Variants in SLC37A1 observed in about 807,000 individuals in gnomAD.
SLC37A1 encodes glucose-6-phosphate exchanger SLC37A1.
SLC37A1 carries 49 observed loss-of-function variants against 75.3 expected under a neutral mutation model. That is an observed-to-expected ratio of 0.65 (90% confidence interval 0.52 to 0.83). The LOEUF is 0.83. SLC37A1 is among the 40% of genes least tolerant of loss of function. The probability of loss-of-function intolerance (pLI) is 0.00; values close to 1 mark genes in which losing one functional copy is unlikely to be tolerated. For synonymous variants in SLC37A1, 268 were observed against 292.1 expected (o/e 0.92, Z 0.84); for missense variants, 566 against 695.0 (o/e 0.81, Z 2.09).
chr21:42,557,203 G>T (rs79267265), intron 10 of SLC37A1, among the ~76,000 whole-genome samples: 21,511 of 152,184 alleles, frequency 0.14, 2,190 homozygotes, highest in African/African-American at 0.28. Context: ...ACCCACTGCT[G>T]AGCCTGTTTC....
At chr21:42,522,982 C>A (rs2146737121) in intron 2 of SLC37A1, among the ~76,000 whole-genome samples, 1 of 152,368 alleles carries the variant, frequency 6.6e-6, no homozygotes, top group East Asian at 1.9e-4. Context: ...CCCAAGCAGC[C>A]CTGACCATTG....
At chr21:42,542,889 A>G (rs1427545188) in intron 7 of SLC37A1, among the ~76,000 whole-genome samples, 1 of 152,282 alleles carries the variant, frequency 6.6e-6, no homozygotes, top group Non-Finnish European at 1.5e-5. Context: ...GCGAGTCCAG[A>G]TTTATTTGTA....
intron 11 of SLC37A1, 72 bp downstream of exon 11, chr21:42,559,161 T>A (rs1336144601): frequency 6.5e-6 from 10 of 1,544,096 alleles, no homozygotes; most frequent in Non-Finnish European, 7.8e-6. Context: ...GGTCGGTTGA[T>A]GATTAAGCTT....
At chr21:42,534,625 C>A in intron 3 of SLC37A1, 73 bp from the exon 4 acceptor site, 1 of 1,530,654 alleles carries the variant, frequency 6.5e-7, no homozygotes, top group South Asian at 1.3e-5. Context: ...GTGACTGTTC[C>A]TCTCTGTGCC....
intron 17 of SLC37A1, among the ~76,000 whole-genome samples, chr21:42,572,695 T>TAAAAAAAAAAAA (rs1421400961): frequency 0.032 from 4,199 of 130,476 alleles, 260 homozygotes; most frequent in Non-Finnish European, 0.053. Context: ...AAAAAAAGAG[T>TAAAAAAAAAAAA]GTGTCCTGAG....
intron 17 of SLC37A1, among the ~76,000 whole-genome samples, chr21:42,569,241 C>T (rs991878686): frequency 1.3e-5 from 2 of 152,218 alleles, no homozygotes; most frequent in Admixed American, 1.3e-4. Context: ...GAACCTGGTG[C>T]TGGAGCCTTC....
At position 42,574,806 on chromosome 21, in the gene SLC37A1, G is replaced by A; in HGVS notation, c.1424-12G>A. On this transcript the variant is annotated splice_polypyrimidine_tract_variant and intron_variant, in intron 17 of 19. Transcript: ENST00000352133. ...TAAACAGCACCATGTGTGTCCATTT[G>A]CCTGATTTCAGGAGCAGCCCTGGGC... 1 of 1,613,814 alleles carries A rather than the reference G, an allele frequency of 6.2e-7. No individual in the cohort carries two copies. Among genetic ancestry groups the A allele is most frequent in the Non-Finnish European group, 8.5e-7 (1 of 1,179,900 alleles).
chr21:42,571,599 G>A (rs2147045276), intron 17 of SLC37A1, among the ~76,000 whole-genome samples: 1 of 152,116 alleles, frequency 6.6e-6, no homozygotes, highest in East Asian at 1.9e-4. Flanking sequence ...GTATTTCCAT[G>A]TTTCTTGGTT....
chr21:42,530,654 A>ACACACCCCCCCC (rs1161313598), intron 3 of SLC37A1, among the ~76,000 whole-genome samples: 8 of 35,896 alleles, frequency 2.2e-4, no homozygotes, highest in South Asian at 7.7e-4. Context: ...ACACACACAC[A>ACACACCCCCCCC]CCCCCTCTGT....
chr21:42,568,565 T>C lies in SLC37A1; in HGVS notation c.1423+127T>C, dbSNP rs921596739. 3.7e-5 allele frequency: 33 copies of C among 883,390 alleles called. No individual in the cohort carries two copies. The Middle Eastern group carries it at 7.8e-4, about 21-fold the overall frequency. The allele number at this position is 883,390 out of a possible 1,614,324, so 54.7% of individuals were successfully genotyped here. A position where few individuals can be genotyped will look rare whatever the true frequency, so the allele number is the denominator to read the frequency against. On this transcript the variant is annotated intron_variant, in intron 17 of 19. Transcript: ENST00000352133. ...CATTGGGTGGGCCGGCTTCTTACTA[T>C]ACGAGCAGATGAGCAGGGGACATCG...
At chr21:42,521,014 G>A (rs1337806543) in intron 2 of SLC37A1, among the ~76,000 whole-genome samples, 2 of 152,192 alleles carry the variant, frequency 1.3e-5, no homozygotes, top group East Asian at 3.8e-4. Context: ...ATGCACGCTC[G>A]CCGTACAGTG....
In SLC37A1 at chr21:42,580,668, C is replaced by T. The variant is rs569663100; in HGVS notation, c.*308C>T. ...AGCCACCCAAATGCACGCGTGACAA[C>T]AAGGCCGGGAGGGTGGGGGGGGTGC... On this transcript the variant is annotated 3_prime_UTR_variant, in exon 20 of 20. Transcript: ENST00000352133. 3 of 314,036 alleles carry T rather than the reference C, an allele frequency of 9.6e-6. No homozygotes were observed. In the Admixed American group the frequency reaches 1.4e-4, roughly 15 times the overall value. The allele number at this position is 314,036 out of a possible 1,614,324, so 19.5% of individuals were successfully genotyped here. A position where few individuals can be genotyped will look rare whatever the true frequency, so the allele number is the denominator to read the frequency against.
chr21:42,546,457 C>T (rs527736465), intron 8 of SLC37A1, among the ~76,000 whole-genome samples: 1 of 152,276 alleles, frequency 6.6e-6, no homozygotes, highest in East Asian at 1.9e-4. Context: ...TGTGCTTTTC[C>T]TGGTTTTGCT....
chr21:42,502,969 T>C (rs1038215610), intron 2 of SLC37A1: 1 of 152,222 alleles, frequency 6.6e-6, no homozygotes, highest in Non-Finnish European at 1.5e-5. Context: ...TTCCCAAAGA[T>C]AATAACTACT....
chr21:42,530,314 C>T lies in SLC37A1; in HGVS notation c.139-4384C>T, dbSNP rs77344416. Among the ~76,000 whole-genome samples the T allele has an allele frequency of 4.1e-4, 63 of 152,214 alleles. No individual in the cohort carries two copies. In the East Asian group the frequency reaches 6.6e-3, roughly 16 times the overall value. On this transcript the variant is annotated intron_variant, in intron 3 of 19. Transcript: ENST00000352133. ...GTATCCTTCATGAGTGGAGCATTTG[C>T]GTGTCTGTCCCTGAGTGTGTATAAT...
At chr21:42,561,899 G>A (rs534288019) in intron 11 of SLC37A1, 179 bp from the exon 12 acceptor site, 9 of 593,740 alleles carry the variant, frequency 1.5e-5, no homozygotes, top group East Asian at 5.6e-5. Flanking sequence ...CTGTTCCCGC[G>A]TCCTCACTAC....
At chr21:42,522,336 G>A (rs1268702981) in intron 2 of SLC37A1, among the ~76,000 whole-genome samples, 1 of 152,204 alleles carries the variant, frequency 6.6e-6, no homozygotes, top group Non-Finnish European at 1.5e-5. Flanking sequence ...AACGTAGATA[G>A]AATTACGAAA....
chr21:42,572,772 G>A (rs1010950575), intron 17 of SLC37A1, among the ~76,000 whole-genome samples: 7 of 138,120 alleles, frequency 5.1e-5, no homozygotes, highest in Admixed American at 7.8e-5. Context: ...GGCTCTCTGT[G>A]GGTGCTGTGA....
At position 42,554,116 on chromosome 21, in the gene SLC37A1, T is replaced by C. The variant is rs2839550; in HGVS notation, c.823T>C (p.Leu275=). The change falls in exon 10 of 20, where the codon TTG becomes CTG. Residue 275 remains leucine (L), a synonymous_variant. Transcript: ENST00000352133. The part of the protein sequence containing the change: ...TNRLRLQKQI[L]KSEKNKPLDP... ...CAGATTGAGACTCCAGAAGCAAATC[T>C]TGAAGAGCGAAAAGAACAAGCCTCT... The C allele has an allele frequency of 0.099, 160,430 of 1,613,046 alleles. 10,185 individuals carry two copies. Among genetic ancestry groups the C allele is most frequent in the African/African-American group, 0.28 (21,281 of 74,882 alleles).
Sources: gnomAD v4.1 joint callset for allele counts (sites outside exome capture counted in the v4.1 genomes callset) on GRCh38, gnomAD v4.1.1 for gene constraint, MANE v1.5 for transcripts, NCBI Gene and HGNC (gene_info 2026-07-23, HGNC 2026-07-21) for gene names.